The following SYNPO2 variants were observed in gnomAD, a reference collection of about 807,000 sequenced individuals.
SYNPO2 encodes the protein synaptopodin 2.
A neutral mutation model predicts 85.0 loss-of-function variants in SYNPO2; 56 were observed. The ratio of observed to expected loss-of-function variants is 0.66; its 90% confidence interval spans 0.53 to 0.82. The LOEUF is 0.82. SYNPO2 is among the 40% of genes least tolerant of loss of function. The pLI is 0.00. For synonymous variants in SYNPO2, 602 were observed against 591.1 expected, an observed-to-expected ratio of 1.02 and a Z score of -0.27; for missense variants, 1,575 against 1,534.2, an observed-to-expected ratio of 1.03 and a Z score of -0.44.
chr4:118,981,920 T>A (rs1736022757), intron 1 of SYNPO2, among the ~76,000 whole-genome samples: 1 of 152,120 alleles, frequency 6.6e-6, no homozygotes. Context: ...GGAAACCCAG[T>A]TTGCGTTCAG....
chr4:119,037,856 C>A, intron 4 of SYNPO2: 1 of 192,490 alleles, frequency 5.2e-6, no homozygotes, highest in Non-Finnish European at 9.5e-6. Flanking sequence ...GATTCTGAGG[C>A]ACAAAGAGGC....
intron 4 of SYNPO2, among the ~76,000 whole-genome samples, chr4:119,044,614 T>G (rs1044050659): frequency 9.3e-4 from 141 of 152,288 alleles, no homozygotes; most frequent in African/African-American, 3.3e-3. Context: ...CACTGCAACC[T>G]CCACCTCCCA....
At chr4:119,018,502 A>G (rs1166963375) in intron 1 of SYNPO2, among the ~76,000 whole-genome samples, 1 of 152,126 alleles carries the variant, frequency 6.6e-6, no homozygotes, top group Non-Finnish European at 1.5e-5. Context: ...TAATTTTCTG[A>G]GGAACCTCCA....
intron 4 of SYNPO2, chr4:119,032,465 A>G: frequency 9.6e-7 from 1 of 1,042,002 alleles, no homozygotes; most frequent in East Asian, 8.0e-5. Context: ...ATTGACTGAG[A>G]TTTCCCTTTT....
intron 1 of SYNPO2, among the ~76,000 whole-genome samples, chr4:118,980,991 C>T (rs1002169114): frequency 6.6e-6 from 1 of 152,232 alleles, no homozygotes; most frequent in Non-Finnish European, 1.5e-5. Context: ...TTACTAAGCA[C>T]AGTTTCCTTT....
At chr4:118,908,976 G>A (rs990982197) in intron 1 of SYNPO2, among the ~76,000 whole-genome samples, 9 of 152,028 alleles carry the variant, frequency 5.9e-5, no homozygotes, top group East Asian at 1.9e-4. Context: ...TTGGGCCCCC[G>A]TAACATAAAG....
chr4:118,963,472 C>T (rs919678305), intron 1 of SYNPO2, among the ~76,000 whole-genome samples: 1 of 152,104 alleles, frequency 6.6e-6, no homozygotes, highest in African/African-American at 2.4e-5. Context: ...TGTATTTAGA[C>T]TGGACTGAAA....
chr4:119,009,274 A>T (rs1459512425), intron 1 of SYNPO2, among the ~76,000 whole-genome samples: 1 of 152,208 alleles, frequency 6.6e-6, no homozygotes, highest in East Asian at 1.9e-4. Flanking sequence ...TTTCAGCAGC[A>T]CACCAGCTTA....
At chr4:118,890,713 CTCTCTCTCTCTCTCTCTCTCTGTG>C (rs956729726) in intron 1 of SYNPO2, among the ~76,000 whole-genome samples, 6 of 140,540 alleles carry the variant, frequency 4.3e-5, no homozygotes, top group African/African-American at 1.6e-4. Flanking sequence ...CTCTCTCTCT[CTCTCTCTCTCTCTCTCTCTCTGTG>C]TGTGTGTGTG....
chr4:119,034,531 A>G (rs1364247268), intron 4 of SYNPO2: 1 of 985,388 alleles, frequency 1.0e-6, no homozygotes, highest in African/African-American at 1.7e-5. Flanking sequence ...AAAACCTTGT[A>G]AGAGGCATGT....
In SYNPO2 at chr4:118,895,368, T is replaced by G. The variant is rs538258494; in HGVS notation, c.105+6227T>G. 1.1e-4 allele frequency among the ~76,000 whole-genome samples: 17 copies of G among 152,312 alleles called. No homozygotes were observed. The South Asian group carries it at 3.5e-3, about 32-fold the overall frequency. Reference sequence around the variant, plus strand: ...AAGAGGAAAGGGGCAGATAGATATATTTATTCATAACTGAATGAGGTGGCG... The same window carrying G: ...AAGAGGAAAGGGGCAGATAGATATAGTTATTCATAACTGAATGAGGTGGCG... On this transcript the variant is annotated intron_variant, in intron 1 of 4. Coordinates refer to ENST00000307142, the MANE Select transcript of SYNPO2 (RefSeq NM_133477.3).
chr4:119,032,263 C>G, intron 4 of SYNPO2: 1 of 1,407,172 alleles, frequency 7.1e-7, no homozygotes, highest in Non-Finnish European at 9.2e-7. Context: ...TCTTTGCACA[C>G]TTAAAAAATC....
chr4:119,033,476 G>A (rs1738371330), intron 4 of SYNPO2: 7 of 985,398 alleles, frequency 7.1e-6, no homozygotes, highest in Non-Finnish European at 8.4e-6. Flanking sequence ...TTTTAAGTCT[G>A]AGTCTGACCA....
chr4:119,057,436 A>T lies in SYNPO2; in HGVS notation c.3288A>T (p.Ser1096=). 1 of 1,603,928 alleles carries T rather than the reference A, an allele frequency of 6.2e-7. No individual in the cohort carries two copies. The highest frequency in any genetic ancestry group is 8.5e-7 in the Non-Finnish European group (1 of 1,176,602). ...SGRSLSLPGR[S]VPPPISTSPW... ...GCTCCCTTTCTCTTCCTGGAAGATC[A>T]GTCCCACCCCCCATTTCTACATCTC... is the stretch of plus-strand genomic sequence containing the variant. Residue 1096 remains serine (S), a synonymous_variant, in exon 5 of 5, where the codon TCA becomes TCT. Coordinates refer to ENST00000307142, the MANE Select transcript of SYNPO2 (RefSeq NM_133477.3).
intron 1 of SYNPO2, among the ~76,000 whole-genome samples, chr4:118,876,807 T>C (rs1183514641): frequency 6.6e-6 from 1 of 151,230 alleles, no homozygotes; most frequent in East Asian, 1.9e-4. Flanking sequence ...TTCCTTCTTT[T>C]TGTTTGAGAC....
At chr4:118,910,772 A>G (rs1046408253) in intron 1 of SYNPO2, among the ~76,000 whole-genome samples, 1 of 152,166 alleles carries the variant, frequency 6.6e-6, no homozygotes, top group African/African-American at 2.4e-5. Context: ...TAGGTTAAAA[A>G]GAACACAGCA....
At chr4:119,021,564 T>C (rs985993415) in intron 1 of SYNPO2, among the ~76,000 whole-genome samples, 5 of 152,190 alleles carry the variant, frequency 3.3e-5, no homozygotes, top group East Asian at 1.9e-4. Context: ...TTGAGAACAA[T>C]TGAACTCATA....
intron 1 of SYNPO2, among the ~76,000 whole-genome samples, chr4:119,001,034 T>C (rs1439088717): frequency 1.3e-5 from 2 of 152,240 alleles, no homozygotes; most frequent in African/African-American, 2.4e-5. Flanking sequence ...GGCTGTTCTT[T>C]CTACCCTCAC....
rs968853868 is a variant in SYNPO2, at chr4:119,038,095, T to C, written c.3252+6068T>C. ...GTGGATTAGGGTTAGATTTAGATAT[T>C]TGTCTGGCATCCAAACCTGTGCTCT... On this transcript the variant is annotated intron_variant, in intron 4 of 4. Coordinates refer to ENST00000307142, the MANE Select transcript of SYNPO2 (RefSeq NM_133477.3). 11 of 962,462 alleles carry C rather than the reference T, an allele frequency of 1.1e-5. No individual in the cohort carries two copies. The East Asian group carries it at 1.2e-3, about 101-fold the overall frequency. 59.6% of individuals were successfully genotyped at this position (962,462 alleles called of 1,614,324 possible). A position where few individuals can be genotyped will look rare whatever the true frequency, so the allele number is the denominator to read the frequency against.
Sources: gnomAD v4.1 joint callset for allele counts (sites outside exome capture counted in the v4.1 genomes callset) on GRCh38, gnomAD v4.1.1 for gene constraint, MANE v1.5 for transcripts, NCBI Gene and HGNC (gene_info 2026-07-23, HGNC 2026-07-21) for gene names.